The following MRPL22 variants were observed in gnomAD, a reference collection of about 807,000 sequenced individuals.
MRPL22 encodes mitochondrial ribosomal protein L22.
In MRPL22, 27 loss-of-function variants were observed where a neutral mutation model predicts 32.4. The observed-to-expected ratio is 0.83, with a 90% CI of 0.61 to 1.15. The LOEUF is 1.15. Ranked by LOEUF, MRPL22 falls within the 50% of genes most tolerant of loss-of-function variation. MRPL22 has a pLI of 0.00. For synonymous variants in MRPL22, 86 were observed against 87.3 expected (o/e 0.99, Z 0.08); for missense variants, 239 against 260.2 (o/e 0.92, Z 0.56).
intron 3 of MRPL22, among the ~76,000 whole-genome samples, chr5:154,954,588 T>G (rs1013614946): frequency 6.6e-6 from 1 of 152,202 alleles, no homozygotes; most frequent in African/African-American, 2.4e-5. Context: ...ACATTTCACC[T>G]GCCCAAAGTA....
At chr5:154,959,408 A>G (rs1460625239) in intron 5 of MRPL22, among the ~76,000 whole-genome samples, 4 of 152,060 alleles carry the variant, frequency 2.6e-5, no homozygotes, top group African/African-American at 2.4e-5. Context: ...CAGTGGTACA[A>G]TCTTGGCTCA....
Position 154,964,007 on chromosome 5 carries a change from C to T in MRPL22, c.410-2679C>T, listed in dbSNP as rs149908779. On this transcript the variant is annotated intron_variant, in intron 6 of 6. Transcript: ENST00000523037. ...CAGTGTGAAGGAAGTAGAAGTTTGA[C>T]CTCGAGTAGATAAAATGGGAAGGGT... Among the ~76,000 whole-genome samples the T allele has an allele frequency of 1.8e-4, 27 of 152,206 alleles. 1 individual carries two copies. Among genetic ancestry groups the T allele is most frequent in the African/African-American group, 6.0e-4 (25 of 41,524 alleles).
chr5:154,964,451 G>C (rs931198577), intron 6 of MRPL22, among the ~76,000 whole-genome samples: 1 of 152,210 alleles, frequency 6.6e-6, no homozygotes, highest in Admixed American at 6.5e-5. Context: ...CTTAGTGGAG[G>C]AGAGATTGGA....
chr5:154,956,595 A>G (rs964718944), intron 4 of MRPL22, 159 bp downstream of exon 4: 6 of 580,580 alleles, frequency 1.0e-5, no homozygotes, highest in Non-Finnish European at 1.8e-5. Context: ...TCAGAGATGT[A>G]TGATTTTCCT....
At chr5:154,941,738 C>T (rs1294398124) in intron 2 of MRPL22, among the ~76,000 whole-genome samples, 23 of 152,104 alleles carry the variant, frequency 1.5e-4, no homozygotes, top group Non-Finnish European at 1.5e-5. Flanking sequence ...AATTGAAGTC[C>T]CCAAACGTAA....
chr5:154,961,885 G>A (rs1414964545), intron 6 of MRPL22, among the ~76,000 whole-genome samples: 3 of 152,004 alleles, frequency 2.0e-5, no homozygotes, highest in Non-Finnish European at 2.9e-5. Flanking sequence ...CAGAGGTCTC[G>A]CTTAGATGCC....
At chr5:154,957,978 G>A (rs1460989024) in intron 5 of MRPL22, among the ~76,000 whole-genome samples, 3 of 146,680 alleles carry the variant, frequency 2.0e-5, no homozygotes, top group Non-Finnish European at 3.0e-5. Context: ...GTGCAGTGGC[G>A]CCATCTTGGC....
intron 5 of MRPL22, among the ~76,000 whole-genome samples, chr5:154,957,482 T>C (rs541753081): frequency 5.3e-5 from 8 of 152,310 alleles, no homozygotes; most frequent in African/African-American, 1.9e-4. Flanking sequence ...ATGAATCTTA[T>C]TTTTAATGAT....
At chr5:154,957,357 TC>T in intron 5 of MRPL22, 145 bp downstream of exon 5, 1 of 619,668 alleles carries the variant, frequency 1.6e-6, no homozygotes, top group African/African-American at 1.8e-5. Flanking sequence ...GATTTAGGGT[TC>T]TCAGTTTATT....
intron 2 of MRPL22, among the ~76,000 whole-genome samples, chr5:154,947,963 A>G (rs1468808275): frequency 3.3e-5 from 5 of 152,248 alleles, no homozygotes; most frequent in Admixed American, 2.0e-4. Flanking sequence ...TCAGGGAACA[A>G]TGAACATCTA....
intron 5 of MRPL22, among the ~76,000 whole-genome samples, chr5:154,958,538 C>CTTTTTT (rs201113350): frequency 1.1e-3 from 88 of 83,260 alleles, no homozygotes; most frequent in Middle Eastern, 0.023. Flanking sequence ...TGACAATTGT[C>CTTTTTT]TTTTTTTTTT....
intron 2 of MRPL22, among the ~76,000 whole-genome samples, chr5:154,945,040 A>G (rs1189228280): frequency 6.6e-6 from 1 of 152,132 alleles, no homozygotes; most frequent in African/African-American, 2.4e-5. Context: ...AAGATGGGAA[A>G]CTGTTGTAAG....
At chr5:154,947,430 G>T (rs1230195032) in intron 2 of MRPL22, among the ~76,000 whole-genome samples, 3 of 152,164 alleles carry the variant, frequency 2.0e-5, no homozygotes, top group Non-Finnish European at 4.4e-5. Flanking sequence ...TATTTTGATG[G>T]CACTAATCTT....
rs890432654 is a variant in MRPL22, at chr5:154,968,429, T to G, written c.*1532T>G. 2 of 152,206 alleles carry G rather than the reference T, an allele frequency of 1.3e-5. No homozygotes were observed. The highest frequency in any genetic ancestry group is 4.8e-5 in the African/African-American group (2 of 41,444). 9.4% of individuals were successfully genotyped at this position (152,206 alleles called of 1,614,324 possible). ...TTAGCCAGAAAGAAGACTGGATAGG[T>G]CTCTTCCCTTGCTGGCCTCCATTTC... On this transcript the variant is annotated 3_prime_UTR_variant, in exon 7 of 7. Transcript: ENST00000523037.
At chr5:154,952,515 C>T (rs1182438871) in intron 3 of MRPL22, among the ~76,000 whole-genome samples, 9 of 152,048 alleles carry the variant, frequency 5.9e-5, no homozygotes, top group Non-Finnish European at 8.8e-5. Flanking sequence ...TTTGGAAAAC[C>T]TTAATTTCTC....
At chr5:154,956,835 G>C (rs995967060) in intron 4 of MRPL22, 3 of 366,310 alleles carry the variant, frequency 8.2e-6, no homozygotes, top group Non-Finnish European at 1.5e-5. Flanking sequence ...TTATCCTATA[G>C]GAGAAGGAGA....
rs763729571 is a variant in MRPL22, at chr5:154,966,690, G to C, written c.414G>C (p.Glu138Asp). The change falls in exon 7 of 7, where the codon GAG (glutamate) becomes GAC (aspartate). Residue 138 changes from glutamate (E) to aspartate (D), a missense_variant. Physicochemically the swap from Glu to Asp is conservative, Grantham distance 45 (BLOSUM62 2). Transcript: ENST00000523037. ...VEFRSNLYIA[E>D]STSGRGQCLK... Reference sequence around the variant, plus strand: ...TCTCTTTTTCTTCCTGTTTAGCTGAGTCCACCTCAGGACGAGGCCAGTGCC... The same window carrying C: ...TCTCTTTTTCTTCCTGTTTAGCTGACTCCACCTCAGGACGAGGCCAGTGCC... The C allele has an allele frequency of 3.1e-6, 5 of 1,613,702 alleles. No homozygotes were observed. In the Admixed American group the frequency reaches 8.3e-5, roughly 27 times the overall value.
Position 154,967,779 on chromosome 5 carries a change from AAAG to A in MRPL22, c.*888_*890del, listed in dbSNP as rs1363032224. The A allele has an allele frequency of 2.0e-5, 3 of 152,206 alleles. No homozygotes were observed. Among genetic ancestry groups the A allele is most frequent in the Non-Finnish European group, 4.4e-5 (3 of 68,026 alleles). 9.4% of individuals were successfully genotyped at this position (152,206 alleles called of 1,614,324 possible). A position where few individuals can be genotyped will look rare whatever the true frequency, so the allele number is the denominator to read the frequency against. ...AGCCCTAGTCCAACTTTTGCATGCA[AAAG>A]AAGAATCGAGGATGCTTGCTTGTTA... On this transcript the variant is annotated 3_prime_UTR_variant, in exon 7 of 7. Coordinates refer to ENST00000523037, the MANE Select transcript of MRPL22 (RefSeq NM_014180.4). The surrounding 1 kb of genome is among the most constrained non-coding windows in gnomAD (Gnocchi z 4.7).
chr5:154,951,040 A>G, intron 3 of MRPL22, 102 bp downstream of exon 3: 1 of 730,832 alleles, frequency 1.4e-6, no homozygotes, highest in Non-Finnish European at 2.3e-6. Flanking sequence ...TTATACAACC[A>G]TTCACTCTAA....
Sources: allele counts gnomAD v4.1 joint callset (sites outside exome capture counted in the v4.1 genomes callset), GRCh38; gene constraint gnomAD v4.1.1; non-coding constraint Gnocchi (gnomAD v3.1); transcripts MANE v1.5; gene names NCBI Gene and HGNC (gene_info 2026-07-23, HGNC 2026-07-21).